CALN1: variants seen among roughly 807,000 people sequenced by gnomAD.
The protein encoded by CALN1 is calneuron 1.
Under a neutral mutation model 30.6 loss-of-function variants are expected in CALN1, and 17 were observed. The observed-to-expected ratio is 0.56, with a 90% CI of 0.38 to 0.83. CALN1 has a LOEUF of 0.83. Among genes scored for constraint, CALN1 ranks in the 40% least tolerant of loss-of-function variants. The pLI, the probability that CALN1 is intolerant of heterozygous loss-of-function variation, is 0.00. For missense variants in CALN1, 291 were observed against 354.9 expected (o/e 0.82, Z 1.45); for synonymous variants, 156 against 131.4 (o/e 1.19, Z -1.28).
intron 3 of CALN1, among the ~76,000 whole-genome samples, chr7:72,131,845 T>C (rs1809170644): frequency 6.6e-6 from 1 of 152,142 alleles, no homozygotes; most frequent in African/African-American, 2.4e-5. Context: ...CCTAACTCCA[T>C]TACCTCCTAG....
intron 3 of CALN1, among the ~76,000 whole-genome samples, chr7:72,190,559 C>T (rs1013555413): frequency 2.6e-5 from 4 of 152,192 alleles, no homozygotes; most frequent in African/African-American, 4.8e-5. Flanking sequence ...CTAGTTAATA[C>T]AAAAGTGAGT....
At chr7:72,388,825 C>T (rs1404869112) in intron 2 of CALN1, among the ~76,000 whole-genome samples, 1 of 152,114 alleles carries the variant, frequency 6.6e-6, no homozygotes, top group Non-Finnish European at 1.5e-5. Context: ...CACTGGCTGG[C>T]CAATAATCCT....
At chr7:71,990,573 C>T (rs1305699034) in intron 5 of CALN1, among the ~76,000 whole-genome samples, 2 of 151,934 alleles carry the variant, frequency 1.3e-5, no homozygotes, top group Admixed American at 6.6e-5. Context: ...CTGCCTCAGC[C>T]TCCTCAGTAA....
the CALN1 span, among the ~76,000 whole-genome samples, chr7:72,467,418 G>A: frequency 1.4e-4 from 21 of 152,198 alleles, no homozygotes; most frequent in Admixed American, 1.0e-3. Context: ...TGAGTGTTGC[G>A]AGCTCCCTGG....
At chr7:72,357,760 T>C (rs997645145) in intron 2 of CALN1, among the ~76,000 whole-genome samples, 1 of 150,784 alleles carries the variant, frequency 6.6e-6, no homozygotes, top group Non-Finnish European at 1.5e-5. Flanking sequence ...GAAATAAACA[T>C]GTTTATAGGA....
chr7:72,500,470 A>G, the CALN1 span, among the ~76,000 whole-genome samples: 6 of 150,220 alleles, frequency 4.0e-5, no homozygotes, highest in African/African-American at 1.5e-4. Context: ...TAGTAGAGAC[A>G]GGGTTTCACC....
intron 1 of CALN1, among the ~76,000 whole-genome samples, chr7:72,429,373 GA>G (rs1187378965): frequency 6.6e-6 from 1 of 152,060 alleles, no homozygotes; most frequent in African/African-American, 2.4e-5. Context: ...ATGGCTCGTC[GA>G]AAATATCCCC....
intron 6 of CALN1, among the ~76,000 whole-genome samples, chr7:71,794,501 T>A (rs1786774107): frequency 6.6e-6 from 1 of 152,218 alleles, no homozygotes; most frequent in Non-Finnish European, 1.5e-5. Context: ...TAATTGCCAC[T>A]TAGAAGCCCC....
At chr7:72,023,246 A>G (rs1016932236) in intron 5 of CALN1, among the ~76,000 whole-genome samples, 11 of 152,254 alleles carry the variant, frequency 7.2e-5, no homozygotes, top group East Asian at 1.9e-4. Context: ...AGACAAAACC[A>G]TTCTCTCTCA....
chr7:72,054,278 G>T (rs890374858), intron 4 of CALN1, among the ~76,000 whole-genome samples: 1 of 151,450 alleles, frequency 6.6e-6, no homozygotes, highest in Admixed American at 6.6e-5. Context: ...AGTTATTTTT[G>T]ACTTTTTCAT....
At chr7:72,081,062 C>A (rs926002678) in intron 4 of CALN1, among the ~76,000 whole-genome samples, 1 of 152,074 alleles carries the variant, frequency 6.6e-6, no homozygotes, top group Non-Finnish European at 1.5e-5. Context: ...GCTCACTTTT[C>A]GCAATTGATC....
intron 3 of CALN1, among the ~76,000 whole-genome samples, chr7:72,142,158 C>G (rs944380025): frequency 1.3e-5 from 2 of 152,152 alleles, no homozygotes; most frequent in Non-Finnish European, 2.9e-5. Context: ...CAAGCATGAG[C>G]CGAAGCAGGG....
intron 3 of CALN1, among the ~76,000 whole-genome samples, chr7:72,153,103 T>C (rs1787383611): frequency 6.6e-6 from 1 of 152,104 alleles, no homozygotes; most frequent in South Asian, 2.1e-4. Context: ...TCACAAACAG[T>C]GAATGTTAAG....
chr7:71,960,271 A>G (rs1242521400), intron 5 of CALN1, among the ~76,000 whole-genome samples: 1 of 152,204 alleles, frequency 6.6e-6, no homozygotes, highest in Non-Finnish European at 1.5e-5. Context: ...TGAACCCATC[A>G]TCTGGACAGT....
chr7:72,455,637 G>A, the CALN1 span, among the ~76,000 whole-genome samples: 3 of 152,090 alleles, frequency 2.0e-5, no homozygotes, highest in East Asian at 1.9e-4. Flanking sequence ...GAGTTACTCC[G>A]GGGACATGGA....
chr7:72,283,155 C>T (rs1245788779), intron 2 of CALN1, among the ~76,000 whole-genome samples: 5 of 151,938 alleles, frequency 3.3e-5, no homozygotes, highest in Non-Finnish European at 5.9e-5. Context: ...GTAGTTTGAC[C>T]TCTGTAAGCC....
intron 1 of CALN1, among the ~76,000 whole-genome samples, chr7:72,433,372 A>C (rs1041551189): frequency 3.3e-5 from 5 of 152,112 alleles, no homozygotes; most frequent in African/African-American, 1.2e-4. Context: ...ACAAAAAAGA[A>C]ACTGGTTAGA....
At chr7:72,270,287 A>C (rs1352089876) in intron 3 of CALN1, among the ~76,000 whole-genome samples, 1 of 152,134 alleles carries the variant, frequency 6.6e-6, no homozygotes, top group East Asian at 1.9e-4. Flanking sequence ...GCACCACTGC[A>C]CTCACCAGGG....
intron 5 of CALN1, among the ~76,000 whole-genome samples, chr7:71,893,189 ATATTTTTGGTTGTT>A (rs1183658215): frequency 6.6e-6 from 1 of 152,114 alleles, no homozygotes; most frequent in Non-Finnish European, 1.5e-5. Flanking sequence ...ATGTCTAGAG[ATATTTTTGGTTGTT>A]TACCACTTGG....
Sources: gnomAD v4.1 joint callset for allele counts (sites outside exome capture counted in the v4.1 genomes callset) on GRCh38, gnomAD v4.1.1 for gene constraint, MANE v1.5 for transcripts, NCBI Gene and HGNC (gene_info 2026-07-23, HGNC 2026-07-21) for gene names.